Variants in SMURF1 observed in about 807,000 individuals in gnomAD.
SMURF1 encodes the protein E3 ubiquitin-protein ligase SMURF1.
Under a neutral mutation model 98.0 loss-of-function variants are expected in SMURF1, and 44 were observed. That is an observed-to-expected ratio of 0.45 (90% CI 0.35 to 0.58). The LOEUF (loss-of-function observed/expected upper bound fraction) is 0.58. SMURF1 is among the 20% of genes least tolerant of loss of function. The pLI is 0.00. For missense variants in SMURF1, 687 were observed against 938.4 expected, an observed-to-expected ratio of 0.73 and a Z score of 3.50; for synonymous variants, 396 against 374.9, an observed-to-expected ratio of 1.06 and a Z score of -0.65.
At chr7:99,038,604 G>A (rs370751313) in intron 13 of SMURF1, 79 bp from the exon 14 acceptor site, 944 of 1,535,288 alleles carry the variant, frequency 6.1e-4, no homozygotes, top group Middle Eastern at 2.8e-3. Context: ...AAACATTTAC[G>A]ACTGCCAAAC....
Position 99,122,739 on chromosome 7 carries a change from T to C in SMURF1, c.55+20987A>G, listed in dbSNP as rs1232380573. On this transcript the variant is annotated intron_variant, in intron 1 of 17. Coordinates refer to ENST00000361368, the MANE Select transcript of SMURF1 (RefSeq NM_181349.3). ...CAACCATGCCACAGGGCTTTTTTCTTTCTTTCTTTTTTTTTTTTTTTTTTT... is the reference window on the plus strand; with the variant it reads ...CAACCATGCCACAGGGCTTTTTTCTCTCTTTCTTTTTTTTTTTTTTTTTTT... Among the ~76,000 whole-genome samples, 5 of 116,726 alleles carry C rather than the reference T, an allele frequency of 4.3e-5. No individual in the cohort carries two copies. In the Admixed American group the frequency reaches 5.5e-4, roughly 13 times the overall value. 76.6% of individuals were successfully genotyped at this position (116,726 alleles called of 152,430 possible).
chr7:99,049,365 C>A (rs1243890174), intron 9 of SMURF1, 198 bp downstream of exon 9: 5 of 580,322 alleles, frequency 8.6e-6, no homozygotes, highest in African/African-American at 3.8e-5. Context: ...AGGGTAGCAA[C>A]AACATAGGGC....
intron 1 of SMURF1, among the ~76,000 whole-genome samples, chr7:99,071,924 T>A (rs1402713569): frequency 6.8e-5 from 10 of 147,754 alleles, no homozygotes; most frequent in Non-Finnish European, 1.0e-4. Context: ...AAAAAAAAAA[T>A]AGAAATTAGC....
chr7:99,063,290 T>G (rs1796107960), intron 1 of SMURF1, among the ~76,000 whole-genome samples: 2 of 22,520 alleles, frequency 8.9e-5, no homozygotes, highest in Non-Finnish European at 2.1e-4. Context: ...TATATATATA[T>G]ATATATATAT....
intron 1 of SMURF1, among the ~76,000 whole-genome samples, chr7:99,078,145 C>CA (rs1038377804): frequency 2.0e-4 from 30 of 151,896 alleles, no homozygotes; most frequent in Non-Finnish European, 3.4e-4. Flanking sequence ...ACTAGAAATA[C>CA]AAAAAAATTA....
At chr7:99,113,779 C>T (rs1047144875) in intron 1 of SMURF1, among the ~76,000 whole-genome samples, 1 of 126,178 alleles carries the variant, frequency 7.9e-6, no homozygotes, top group Non-Finnish European at 1.6e-5. Context: ...GCGGAGCTTG[C>T]AGTGAGCCGA....
At chr7:99,109,740 T>C (rs1797279238) in intron 1 of SMURF1, among the ~76,000 whole-genome samples, 1 of 152,182 alleles carries the variant, frequency 6.6e-6, no homozygotes, top group African/African-American at 2.4e-5. Flanking sequence ...TCACCAAAGA[T>C]AACGAAAAAG....
chr7:99,033,603 T>A (rs768995732), intron 16 of SMURF1, among the ~76,000 whole-genome samples: 5 of 152,058 alleles, frequency 3.3e-5, no homozygotes, highest in Non-Finnish European at 7.4e-5. Flanking sequence ...GCCACCACAC[T>A]CAGCCAAGAT....
chr7:99,063,212 C>A, intron 1 of SMURF1, among the ~76,000 whole-genome samples: 1 of 97,984 alleles, frequency 1.0e-5, no homozygotes, highest in Non-Finnish European at 1.9e-5. Context: ...TTTATATAGT[C>A]AAGATATATA....
chr7:99,068,986 AAAAT>A (rs1392421755), intron 1 of SMURF1, among the ~76,000 whole-genome samples: 1 of 152,186 alleles, frequency 6.6e-6, no homozygotes, highest in Non-Finnish European at 1.5e-5. Context: ...CAAAACCAAA[AAAAT>A]AAGGACAATG....
At chr7:99,090,585 G>A (rs901973646) in intron 1 of SMURF1, among the ~76,000 whole-genome samples, 1 of 152,124 alleles carries the variant, frequency 6.6e-6, no homozygotes, top group Non-Finnish European at 1.5e-5. Flanking sequence ...ATTAATCTCT[G>A]CCTTCTGTTC....
chr7:99,046,951 C>T (rs1051330474), intron 10 of SMURF1, among the ~76,000 whole-genome samples: 2 of 152,186 alleles, frequency 1.3e-5, no homozygotes, highest in Non-Finnish European at 2.9e-5. Context: ...CCCTCGGCCC[C>T]CCAGTGCTCC....
intron 1 of SMURF1, among the ~76,000 whole-genome samples, chr7:99,094,660 G>GAAA (rs35297120): frequency 6.8e-5 from 10 of 146,562 alleles, no homozygotes; most frequent in South Asian, 2.1e-4. Context: ...GCAAGAAAAG[G>GAAA]AAAAAAAAAA....
Position 99,035,670 on chromosome 7 carries a change from G to A in SMURF1, c.1856C>T (p.Ser619Leu), listed in dbSNP as rs1395390692. 14 of 1,614,082 alleles carry A rather than the reference G, an allele frequency of 8.7e-6. No homozygotes were observed. The highest frequency in any genetic ancestry group is 2.7e-5 in the African/African-American group (2 of 74,940). ...CACACAGTGCTTCAGCCGCGTGTTC[G>A]ACTTCCAGTCGTTCAAGTCTATTTT... is the stretch of plus-strand genomic sequence containing the variant. ...LDKIDLNDWKSNTRLKHCVAD... is the reference protein window; with the variant it reads ...LDKIDLNDWKLNTRLKHCVAD... Residue 619 changes from serine (S) to leucine (L), a missense_variant, in exon 16 of 18, where the codon TCG becomes TTG. Ser to Leu is a moderately radical substitution (Grantham distance 145, BLOSUM62 -2). This residue lies in a region of SMURF1 where 272 missense variants were observed against 430.0 expected (regional missense o/e 0.63). Coordinates refer to ENST00000361368, the MANE Select transcript of SMURF1 (RefSeq NM_181349.3).
chr7:99,123,113 T>TC (rs2150627326), intron 1 of SMURF1, among the ~76,000 whole-genome samples: 1 of 151,870 alleles, frequency 6.6e-6, no homozygotes, highest in East Asian at 1.9e-4. Flanking sequence ...ATTTATTTTT[T>TC]TTTTAGTAAA....
chr7:99,083,153 A>G (rs997010646), intron 1 of SMURF1, among the ~76,000 whole-genome samples: 1 of 152,214 alleles, frequency 6.6e-6, no homozygotes, highest in Admixed American at 6.5e-5. Context: ...TGACGGTTGC[A>G]CAACTCTGAC....
rs926392809 is a variant in SMURF1, at chr7:99,047,796, C to T, written c.1040G>A (p.Arg347Lys). 2.5e-6 allele frequency: 4 copies of T among 1,614,242 alleles called. No individual in the cohort carries two copies. The Admixed American group carries it at 5.0e-5, about 20-fold the overall frequency. ...SLEDEELPAQ[R>K]YERDLVQKLK... ...CTTCTGGACTAGATCTCTTTCGTATCTCTGGGCAGGAAGCTCCTCGTCCTC... is the reference window on the plus strand; with the variant it reads ...CTTCTGGACTAGATCTCTTTCGTATTTCTGGGCAGGAAGCTCCTCGTCCTC... The change falls in exon 10 of 18, where the codon AGA (arginine) becomes AAA (lysine). Residue 347 changes from arginine (R) to lysine (K), a missense_variant. Physicochemically the swap from Arg to Lys is conservative, Grantham distance 26. This residue lies in a region of SMURF1 where 415 missense variants were observed against 508.4 expected (regional missense o/e 0.82). Coordinates refer to ENST00000361368, the MANE Select transcript of SMURF1 (RefSeq NM_181349.3).
At chr7:99,106,931 A>G (rs1797206727) in intron 1 of SMURF1, among the ~76,000 whole-genome samples, 1 of 152,180 alleles carries the variant, frequency 6.6e-6, no homozygotes, top group East Asian at 1.9e-4. Flanking sequence ...TTCCTTTTGC[A>G]TTTTCCCCAA....
intron 1 of SMURF1, among the ~76,000 whole-genome samples, chr7:99,099,506 G>T (rs182503747): frequency 6.6e-6 from 1 of 152,110 alleles, no homozygotes. Context: ...GGATAGGGGG[G>T]GAAATGCCAT....
Sources: gnomAD v4.1 joint callset for allele counts (sites outside exome capture counted in the v4.1 genomes callset) on GRCh38, gnomAD v4.1.1 for gene constraint, gnomAD v4.1.1 regional missense constraint, MANE v1.5 for transcripts, NCBI Gene and HGNC (gene_info 2026-07-23, HGNC 2026-07-21) for gene names.